Variants in STARD13 observed in about 807,000 individuals in gnomAD.
The protein encoded by STARD13 is stAR-related lipid transfer protein 13.
Under a neutral mutation model 106.4 loss-of-function variants are expected in STARD13, and 62 were observed. The observed-to-expected ratio is 0.58, with a 90% CI of 0.48 to 0.72. The LOEUF (loss-of-function observed/expected upper bound fraction) is 0.72. STARD13 is among the 30% of genes least tolerant of loss of function. The pLI, the probability that STARD13 is intolerant of heterozygous loss-of-function variation, is 0.00. For synonymous variants in STARD13, 565 were observed against 553.0 expected (o/e 1.02, Z -0.31); for missense variants, 1,387 against 1,424.0 (o/e 0.97, Z 0.42).
At chr13:33,600,744 A>T in the STARD13 span, among the ~76,000 whole-genome samples, 8 of 152,178 alleles carry the variant, frequency 5.3e-5, no homozygotes, top group Admixed American at 4.6e-4. Flanking sequence ...TCAGCTTTTT[A>T]AAAAAAGTCT....
the STARD13 span, among the ~76,000 whole-genome samples, chr13:33,379,312 A>G: frequency 1.3e-5 from 2 of 152,102 alleles, no homozygotes; most frequent in Non-Finnish European, 2.9e-5. Flanking sequence ...ACCCTATAGT[A>G]TTTTTTCCTG....
chr13:33,227,235 G>A (rs1368416378), intron 1 of STARD13, among the ~76,000 whole-genome samples: 2 of 152,172 alleles, frequency 1.3e-5, no homozygotes, highest in Non-Finnish European at 2.9e-5. Flanking sequence ...TCCATCGTTA[G>A]TCTTTTCTAT....
At chr13:33,480,274 A>G in the STARD13 span, among the ~76,000 whole-genome samples, 2 of 152,344 alleles carry the variant, frequency 1.3e-5, no homozygotes, top group African/African-American at 4.8e-5. Flanking sequence ...TACATATTTG[A>G]GTTCAGAACC....
At chr13:33,150,983 A>G (rs1350978689) in intron 3 of STARD13, among the ~76,000 whole-genome samples, 3 of 152,002 alleles carry the variant, frequency 2.0e-5, no homozygotes, top group Non-Finnish European at 4.4e-5. Context: ...TGAGAATCTC[A>G]TGGTCCCATG....
At chr13:33,669,525 A>ATGT in the STARD13 span, among the ~76,000 whole-genome samples, 2 of 135,616 alleles carry the variant, frequency 1.5e-5, no homozygotes, top group Admixed American at 7.4e-5. Context: ...TAAGAAGAGG[A>ATGT]TGTTCTTTTT....
chr13:33,113,103 C>T (rs1405891356), intron 8 of STARD13, 172 bp from the exon 9 acceptor site: 9 of 557,690 alleles, frequency 1.6e-5, no homozygotes, highest in East Asian at 2.9e-5. Context: ...GCTGAGGCCT[C>T]GCAGCTCATG....
At chr13:33,110,594 T>A in intron 11 of STARD13, 92 bp downstream of exon 11, 1 of 1,082,754 alleles carries the variant, frequency 9.2e-7, no homozygotes, top group Non-Finnish European at 1.4e-6. Flanking sequence ...CCAAGCCCTG[T>A]GGACACAGCA....
intron 1 of STARD13, among the ~76,000 whole-genome samples, chr13:33,342,741 A>G (rs2077974583): frequency 6.6e-6 from 1 of 152,096 alleles, no homozygotes. Flanking sequence ...CAAATTTGTA[A>G]CTCTATCACA....
the STARD13 span, among the ~76,000 whole-genome samples, chr13:33,551,507 T>C: frequency 0.048 from 7,076 of 148,214 alleles, 257 homozygotes; most frequent in Middle Eastern, 0.12. Flanking sequence ...ATTGTCAGGC[T>C]GGATTTTGAA....
the STARD13 span, among the ~76,000 whole-genome samples, chr13:33,430,525 A>G: frequency 6.6e-6 from 1 of 152,216 alleles, no homozygotes; most frequent in African/African-American, 2.4e-5. Flanking sequence ...AGGTTCCTCA[A>G]AAACCTAAAA....
chr13:33,525,780 A>G, the STARD13 span, among the ~76,000 whole-genome samples: 1 of 152,272 alleles, frequency 6.6e-6, no homozygotes, highest in South Asian at 2.1e-4. Context: ...AATTTTACTC[A>G]TAGATTATCA....
At chr13:33,175,658 CTG>C (rs1242514494) in intron 1 of STARD13, among the ~76,000 whole-genome samples, 1 of 152,202 alleles carries the variant, frequency 6.6e-6, no homozygotes, top group African/African-American at 2.4e-5. Context: ...GGTACTCACT[CTG>C]TGTCATGCTG....
intron 1 of STARD13, among the ~76,000 whole-genome samples, chr13:33,190,873 C>A (rs190434824): frequency 6.6e-6 from 1 of 152,048 alleles, no homozygotes; most frequent in African/African-American, 2.4e-5. Flanking sequence ...CATGAGCCAC[C>A]GTACCCGGCC....
the STARD13 span, among the ~76,000 whole-genome samples, chr13:33,489,569 A>T: frequency 6.6e-6 from 1 of 152,234 alleles, no homozygotes; most frequent in Non-Finnish European, 1.5e-5. Flanking sequence ...CAGGATATAG[A>T]CATCTGAAAA....
At chr13:33,158,167 G>T (rs1882200384) in intron 3 of STARD13, among the ~76,000 whole-genome samples, 1 of 151,938 alleles carries the variant, frequency 6.6e-6, no homozygotes, top group South Asian at 2.1e-4. Flanking sequence ...TAGTTTCTGG[G>T]GCCTAAAATG....
At chr13:33,587,523 C>T in the STARD13 span, among the ~76,000 whole-genome samples, 168 of 152,202 alleles carry the variant, frequency 1.1e-3, no homozygotes, top group African/African-American at 3.8e-3. Flanking sequence ...CATGGCTGGC[C>T]CGTAATCATT....
At chr13:33,184,310 C>T (rs577606198) in intron 1 of STARD13, among the ~76,000 whole-genome samples, 1 of 152,196 alleles carries the variant, frequency 6.6e-6, no homozygotes, top group African/African-American at 2.4e-5. Context: ...GTTGGGGTTG[C>T]CATGGCTGTT....
the STARD13 span, among the ~76,000 whole-genome samples, chr13:33,479,232 A>G: frequency 1.3e-5 from 2 of 152,228 alleles, no homozygotes; most frequent in Admixed American, 6.5e-5. Context: ...CTTTAATAGC[A>G]TTCTCTTTTA....
the STARD13 span, among the ~76,000 whole-genome samples, chr13:33,442,115 A>G: frequency 6.6e-6 from 1 of 152,256 alleles, no homozygotes; most frequent in Non-Finnish European, 1.5e-5. Flanking sequence ...TTACTTGAAC[A>G]TAATAAAACA....
Sources: allele counts gnomAD v4.1 joint callset (sites outside exome capture counted in the v4.1 genomes callset), GRCh38; gene constraint gnomAD v4.1.1; transcripts MANE v1.5; gene names NCBI Gene and HGNC (gene_info 2026-07-23, HGNC 2026-07-21).